Variants in UQCRQ observed in about 807,000 individuals in gnomAD.
UQCRQ encodes the protein cytochrome b-c1 complex subunit 8.
Under a neutral mutation model 7.9 loss-of-function variants are expected in UQCRQ, and 9 were observed. That is an observed-to-expected ratio of 1.13 (90% confidence interval 0.68 to 1.98). UQCRQ has a LOEUF of 1.98. UQCRQ is among the 30% of genes most tolerant of loss of function. The pLI is 0.00. For synonymous variants in UQCRQ, 50 were observed against 41.9 expected, an observed-to-expected ratio of 1.19 and a Z score of -0.75; for missense variants, 112 against 109.7, an observed-to-expected ratio of 1.02 and a Z score of -0.10.
rs147780034 is a variant in UQCRQ, at chr5:132,867,097, G to C, written c.154+62G>C. 101 of 1,604,976 alleles carry C rather than the reference G, an allele frequency of 6.3e-5. No homozygotes were observed. The East Asian group carries it at 2.1e-3, about 33-fold the overall frequency. On this transcript the variant is annotated intron_variant, in intron 2 of 2. Coordinates refer to ENST00000378670, the MANE Select transcript of UQCRQ (RefSeq NM_014402.5). ...CCCCAGCAGCAGCAGCAGTCACTGC[G>C]CCTCCCCTCTGAGCGCTGGCGGCCG...
rs1002622665 is a variant in UQCRQ at position 132,868,633 on chromosome 5, C to T, written c.*1051C>T. ...CTGGGCTGCTTGCTGCCCAGGACTG[C>T]GGTTGGACAAGCTTGCTCTACTGCC... On this transcript the variant is annotated 3_prime_UTR_variant, in exon 3 of 3. Coordinates refer to ENST00000378670, the MANE Select transcript of UQCRQ (RefSeq NM_014402.5). Among the ~76,000 whole-genome samples the T allele has an allele frequency of 2.6e-4, 40 of 152,120 alleles. No homozygotes were observed. The highest frequency in any genetic ancestry group is 8.7e-4 in the African/African-American group (36 of 41,426).
chr5:132,866,782 G>C, intron 1 of UQCRQ, 87 bp from the exon 2 acceptor site: 5 of 1,528,506 alleles, frequency 3.3e-6, no homozygotes, highest in African/African-American at 1.4e-5. Context: ...TGCAGGGGCA[G>C]GAGTCTGGGG....
chr5:132,867,524 C>T lies in UQCRQ; in HGVS notation c.191C>T (p.Thr64Ile). The stretch of plus-strand genomic sequence containing the variant: ...TTTTATCTTATCTACACATGGGGGA[C>T]TGAAGAGTTCGAGAGATCCAAGAGG... ...VVFYLIYTWGTEEFERSKRKN... is the reference protein window; with the variant it reads ...VVFYLIYTWGIEEFERSKRKN... The change falls in exon 3 of 3, where the codon ACT becomes ATT. Residue 64 changes from threonine (T) to isoleucine (I), a missense_variant. By Grantham distance (89) the Thr-to-Ile change is moderately conservative (BLOSUM62 -1). Transcript: ENST00000378670. The T allele has an allele frequency of 6.2e-7, 1 of 1,613,986 alleles. No individual in the cohort carries two copies. The highest frequency in any genetic ancestry group is 1.1e-5 in the South Asian group (1 of 91,076).
rs1476465680 is a variant in UQCRQ, at chr5:132,867,049, G to A, written c.154+14G>A. 16 of 1,613,264 alleles carry A rather than the reference G, an allele frequency of 9.9e-6. No homozygotes were observed. Among genetic ancestry groups the A allele is most frequent in the Non-Finnish European group, 1.2e-5 (14 of 1,179,726 alleles). ...GCGTGGTGCCGCGTGAGTGCCTTGG[G>A]CCCGCGGGAGCGGGAGGCTGGACCC... On this transcript the variant is annotated intron_variant, in intron 2 of 2. Coordinates refer to ENST00000378670, the MANE Select transcript of UQCRQ (RefSeq NM_014402.5).
Position 132,867,819 on chromosome 5 carries a change from C to A in UQCRQ, c.*237C>A. 1 of 529,228 alleles carries A rather than the reference C, an allele frequency of 1.9e-6. No homozygotes were observed. The highest frequency in any genetic ancestry group is 2.0e-5 in the South Asian group (1 of 49,180). 32.8% of individuals were successfully genotyped at this position (529,228 alleles called of 1,614,324 possible). ...GGGTTTTGGTGAAAGAGCAGGGCTC[C>A]CCCTTTGTTCCATTATCTACAAGAA... On this transcript the variant is annotated 3_prime_UTR_variant, in exon 3 of 3. Transcript: ENST00000378670.
rs1307063114 is a variant in UQCRQ, at chr5:132,866,686, C to T, written c.-15C>T. ...GTGACTGTGGAGGGCGAGCTGAGCC[C>T]TGTGCGTGAGTGGGGTCTGGTTGTG... On this transcript the variant is annotated splice_region_variant and 5_prime_UTR_variant, in exon 1 of 3. Transcript: ENST00000378670. 6 of 658,916 alleles carry T rather than the reference C, an allele frequency of 9.1e-6. No individual in the cohort carries two copies. The highest frequency in any genetic ancestry group is 5.5e-5 in the African/African-American group (3 of 55,030). 40.8% of individuals were successfully genotyped at this position (658,916 alleles called of 1,614,324 possible).
rs771963049 is a variant in UQCRQ at position 132,867,609 on chromosome 5, G to A, written c.*27G>A. ...CAACGCATCCGGATGACGGTTCCCTGTCTCTGAAAGACCTTTCTCTGGAAG... is the reference window on the plus strand; with the variant it reads ...CAACGCATCCGGATGACGGTTCCCTATCTCTGAAAGACCTTTCTCTGGAAG... On this transcript the variant is annotated 3_prime_UTR_variant, in exon 3 of 3. Transcript: ENST00000378670. The A allele has an allele frequency of 3.8e-6, 6 of 1,582,820 alleles. No individual in the cohort carries two copies. Among genetic ancestry groups the A allele is most frequent in the Non-Finnish European group, 5.2e-6 (6 of 1,152,492 alleles).
At chr5:132,867,243 G>A (rs1369864453) in intron 2 of UQCRQ, 1 of 775,762 alleles carries the variant, frequency 1.3e-6, no homozygotes, top group Non-Finnish European at 2.0e-6. Flanking sequence ...GAACTGAAAT[G>A]ACTGGCCCAA....
At chr5:132,867,379 A>G (rs1759660848) in intron 2 of UQCRQ, 109 bp from the exon 3 acceptor site, 1 of 875,432 alleles carries the variant, frequency 1.1e-6, no homozygotes, top group Non-Finnish European at 1.9e-6. Flanking sequence ...TGGATATGCT[A>G]AGAACTACTG....
chr5:132,866,735 C>A, intron 1 of UQCRQ, 48 bp downstream of exon 1: 3 of 1,142,576 alleles, frequency 2.6e-6, no homozygotes, highest in South Asian at 1.4e-5. Context: ...CCCTGGGAGG[C>A]TAGGGGCGCC....
intron 2 of UQCRQ, chr5:132,867,261 C>A (rs1436417580): frequency 1.4e-6 from 1 of 720,420 alleles, no homozygotes; most frequent in Non-Finnish European, 2.3e-6. Context: ...CAAGGTCACT[C>A]GGGTGATTCC....
chr5:132,867,980 CTTTTATT>C lies in UQCRQ; in HGVS notation c.*410_*416del. ...TTGTAATTAGTATGTGTCAGGGACG[CTTTTATT>C]TTTTATTTTTTGAGATGGAGTCTTG... On this transcript the variant is annotated 3_prime_UTR_variant, in exon 3 of 3. Coordinates refer to ENST00000378670, the MANE Select transcript of UQCRQ (RefSeq NM_014402.5). 4.4e-6 allele frequency: 1 copy of C among 227,724 alleles called. No homozygotes were observed. The highest frequency in any genetic ancestry group is 6.0e-5 in the South Asian group (1 of 16,760). The allele number at this position is 227,724 out of a possible 1,614,324, so 14.1% of individuals were successfully genotyped here.
In UQCRQ at chr5:132,866,927, A is replaced by G. The variant is rs1025152863; in HGVS notation, c.46A>G (p.Ser16Gly). 5.0e-6 allele frequency: 8 copies of G among 1,613,980 alleles called. No homozygotes were observed. The highest frequency in any genetic ancestry group is 6.8e-6 in the Non-Finnish European group (8 of 1,179,972). The change falls in exon 2 of 3, where the codon AGC becomes GGC. Residue 16 changes from serine (S) to glycine (G), a missense_variant. Physicochemically the swap from Ser to Gly is moderately conservative, Grantham distance 56 (BLOSUM62 0). Coordinates refer to ENST00000378670, the MANE Select transcript of UQCRQ (RefSeq NM_014402.5). ...TCTGACGCGGATGCGGCATGTGATCAGCTACAGCTTGTCACCGTTCGAGCA... is the reference window on the plus strand; with the variant it reads ...TCTGACGCGGATGCGGCATGTGATCGGCTACAGCTTGTCACCGTTCGAGCA... ...GNLTRMRHVISYSLSPFEQRA... is the reference protein window; with the variant it reads ...GNLTRMRHVIGYSLSPFEQRA...
intron 2 of UQCRQ, 38 bp from the exon 3 acceptor site, chr5:132,867,450 A>G: frequency 2.0e-6 from 3 of 1,530,440 alleles, no homozygotes; most frequent in Non-Finnish European, 2.7e-6. Flanking sequence ...TATATGTCTT[A>G]TATGTGTGCT....
At position 132,867,002 on chromosome 5, in the gene UQCRQ, C is replaced by A; in HGVS notation, c.121C>A (p.Arg41Ser). 1 of 1,614,052 alleles carries A rather than the reference C, an allele frequency of 6.2e-7. No individual in the cohort carries two copies. The highest frequency in any genetic ancestry group is 8.5e-7 in the Non-Finnish European group (1 of 1,179,950). Residue 41 changes from arginine (R) to serine (S), a missense_variant, in exon 2 of 3, where the codon CGC becomes AGC. By Grantham distance (110) the Arg-to-Ser change is moderately radical. Transcript: ENST00000378670. Reference sequence around the variant, plus strand: ...TAAAGGAATCCCCAATGTTCTGCGCCGCATTCGGGAGTCTTTCTTTCGCGT... The same window carrying A: ...TAAAGGAATCCCCAATGTTCTGCGCAGCATTCGGGAGTCTTTCTTTCGCGT... ...FTKGIPNVLR[R>S]IRESFFRVVP...
rs1219084949 is a variant in UQCRQ at position 132,867,389 on chromosome 5, G to T, written c.155-99G>T. 13 of 922,346 alleles carry T rather than the reference G, an allele frequency of 1.4e-5. No homozygotes were observed. In the South Asian group the frequency reaches 1.8e-4, roughly 13 times the overall value. The allele number at this position is 922,346 out of a possible 1,614,324, so 57.1% of individuals were successfully genotyped here. A position where few individuals can be genotyped will look rare whatever the true frequency, so the allele number is the denominator to read the frequency against. ...GGCCTTGGATATGCTAAGAACTACT[G>T]AAGTGTATGCTTTAAAGAAGACAAG... On this transcript the variant is annotated intron_variant, in intron 2 of 2. Transcript: ENST00000378670.
Position 132,866,948 on chromosome 5 carries a change from G to T in UQCRQ, c.67G>T (p.Glu23Ter). 6.2e-7 allele frequency: 1 copy of T among 1,614,100 alleles called. No homozygotes were observed. The highest frequency in any genetic ancestry group is 8.5e-7 in the Non-Finnish European group (1 of 1,179,972). ...GATCAGCTACAGCTTGTCACCGTTC[G>T]AGCAGCGCGCCTATCCGCACGTCTT... ...HVISYSLSPFEQRAYPHVFTK... is the reference protein window; with the variant it reads ...HVISYSLSPF Residue 23 changes from glutamate to a stop codon, truncating the protein, a stop_gained, in exon 2 of 3, where the codon GAG (glutamate) becomes TAG (stop). Transcript: ENST00000378670. LOFTEE classifies it high-confidence loss of function.
Position 132,866,919 on chromosome 5 carries a change from A to G in UQCRQ, c.38A>G (p.His13Arg). ...TTTGGGAATCTGACGCGGATGCGGC[A>G]TGTGATCAGCTACAGCTTGTCACCG... is the stretch of plus-strand genomic sequence containing the variant. ...REFGNLTRMR[H>R]VISYSLSPFE... Residue 13 changes from histidine (H) to arginine (R), a missense_variant, in exon 2 of 3, where the codon CAT (histidine) becomes CGT (arginine). Physicochemically the swap from His to Arg is conservative, Grantham distance 29. Coordinates refer to ENST00000378670, the MANE Select transcript of UQCRQ (RefSeq NM_014402.5). The G allele has an allele frequency of 1.9e-6, 3 of 1,614,068 alleles. No individual in the cohort carries two copies. Among genetic ancestry groups the G allele is most frequent in the Non-Finnish European group, 2.5e-6 (3 of 1,179,958 alleles).
rs1225319669 is a variant in UQCRQ, at chr5:132,866,706, G to C, written c.-14+19G>C. 1.1e-5 allele frequency: 8 copies of C among 745,858 alleles called. No homozygotes were observed. Among genetic ancestry groups the C allele is most frequent in the African/African-American group, 3.5e-5 (2 of 57,112 alleles). 46.2% of individuals were successfully genotyped at this position (745,858 alleles called of 1,614,324 possible). A position where few individuals can be genotyped will look rare whatever the true frequency, so the allele number is the denominator to read the frequency against. On this transcript the variant is annotated intron_variant, in intron 1 of 2. Coordinates refer to ENST00000378670, the MANE Select transcript of UQCRQ (RefSeq NM_014402.5). The stretch of plus-strand genomic sequence containing the variant: ...GAGCCCTGTGCGTGAGTGGGGTCTG[G>C]TTGTGCAGTGTTCGTGGACCCTGGG...
Sources: gnomAD v4.1 joint callset for allele counts (sites outside exome capture counted in the v4.1 genomes callset) on GRCh38, gnomAD v4.1.1 for gene constraint, MANE v1.5 for transcripts, NCBI Gene and HGNC (gene_info 2026-07-23, HGNC 2026-07-21) for gene names.